The following POMK variants were observed in gnomAD, a reference collection of about 807,000 sequenced individuals.
POMK encodes the protein Sugen kinase 196.
In POMK, 19 loss-of-function variants were observed where a neutral mutation model predicts 23.0. That is an observed-to-expected ratio of 0.83 (90% CI 0.58 to 1.21). POMK has a LOEUF of 1.21. POMK is among the 50% of genes most tolerant of loss of function. POMK has a pLI of 0.00. For synonymous variants in POMK, 173 were observed against 171.6 expected, an observed-to-expected ratio of 1.01 and a Z score of -0.06; for missense variants, 410 against 431.3, an observed-to-expected ratio of 0.95 and a Z score of 0.44.
At chr8:43,117,416 C>A (rs1266730072) in intron 4 of POMK, among the ~76,000 whole-genome samples, 1 of 152,140 alleles carries the variant, frequency 6.6e-6, no homozygotes, top group Non-Finnish European at 1.5e-5. Flanking sequence ...ACGTCTTTAT[C>A]CTTGGTTTTT....
intron 4 of POMK, among the ~76,000 whole-genome samples, chr8:43,121,799 G>A (rs1310540195): frequency 2.0e-5 from 3 of 152,146 alleles, no homozygotes; most frequent in South Asian, 2.1e-4. Flanking sequence ...GGTCCCCCTC[G>A]TTCTATGAGA....
chr8:43,108,420 G>A (rs1586673870), intron 4 of POMK, among the ~76,000 whole-genome samples: 1 of 152,066 alleles, frequency 6.6e-6, no homozygotes, highest in Admixed American at 6.6e-5. Flanking sequence ...CATAAATTAA[G>A]AATACTCACA....
At chr8:43,110,822 G>A (rs1811639359) in intron 4 of POMK, among the ~76,000 whole-genome samples, 1 of 152,140 alleles carries the variant, frequency 6.6e-6, no homozygotes, top group African/African-American at 2.4e-5. Flanking sequence ...GCTGAGGCAG[G>A]AGAATTGCTT....
intron 4 of POMK, among the ~76,000 whole-genome samples, chr8:43,107,521 A>T (rs7462864): frequency 0.14 from 19,985 of 138,482 alleles, 1,817 homozygotes; most frequent in African/African-American, 0.28. Context: ...ATTACAGGTG[A>T]GTGCCACCAC....
At chr8:43,115,703 C>T (rs1219408253) in intron 4 of POMK, among the ~76,000 whole-genome samples, 2 of 152,248 alleles carry the variant, frequency 1.3e-5, no homozygotes, top group Non-Finnish European at 2.9e-5. Flanking sequence ...ATTCTGAACA[C>T]AGCACTCAGA....
Position 43,122,413 on chromosome 8 carries a change from G to T in POMK, c.589G>T (p.Val197Leu), listed in dbSNP as rs374943200. 33 of 1,614,084 alleles carry T rather than the reference G, an allele frequency of 2.0e-5. No homozygotes were observed. The African/African-American group carries it at 4.4e-4, about 22-fold the overall frequency. ...CATTAATTACCTGCACCACAGCCCT[G>T]TGGGCACACGGGTCATGTGCGACTC... ...SIINYLHHSP[V>L]GTRVMCDSND... is the part of the protein sequence containing the mutation. The change falls in exon 5 of 5, where the codon GTG becomes TTG. Residue 197 changes from valine (V) to leucine (L), a missense_variant. Coordinates refer to ENST00000331373, the MANE Select transcript of POMK (RefSeq NM_032237.5).
rs1222453999 is a variant in POMK at position 43,103,291 on chromosome 8, C to T, written c.-21-237C>T. On this transcript the variant is annotated intron_variant, in intron 3 of 4. Transcript: ENST00000331373. Reference sequence around the variant, plus strand: ...GGACAGAGTCAGACACAAACACCTCCCACCTAACCTAATCTAGAGGAACCC... The same window carrying T: ...GGACAGAGTCAGACACAAACACCTCTCACCTAACCTAATCTAGAGGAACCC... Among the ~76,000 whole-genome samples, 7 of 152,316 alleles carry T rather than the reference C, an allele frequency of 4.6e-5. No individual in the cohort carries two copies. The East Asian group carries it at 1.2e-3, about 25-fold the overall frequency.
At chr8:43,100,979 T>C (rs530493951) in intron 2 of POMK, among the ~76,000 whole-genome samples, 2 of 152,182 alleles carry the variant, frequency 1.3e-5, no homozygotes, top group Non-Finnish European at 1.5e-5. Flanking sequence ...GTGCCATTGC[T>C]GGGAGAGTCA....
chr8:43,118,066 A>G (rs1358506955), intron 4 of POMK, among the ~76,000 whole-genome samples: 1 of 152,240 alleles, frequency 6.6e-6, no homozygotes, highest in East Asian at 1.9e-4. Flanking sequence ...AATAATCTTA[A>G]GAAAGAATCC....
At chr8:43,110,417 G>A (rs1170411253) in intron 4 of POMK, among the ~76,000 whole-genome samples, 1 of 152,216 alleles carries the variant, frequency 6.6e-6, no homozygotes, top group Non-Finnish European at 1.5e-5. Flanking sequence ...AAGAGTCATA[G>A]TGGCATTTTA....
chr8:43,109,784 A>C (rs1427804382), intron 4 of POMK, among the ~76,000 whole-genome samples: 1 of 151,486 alleles, frequency 6.6e-6, no homozygotes. Context: ...CCCTTGATCT[A>C]CCTGCCTCAG....
intron 4 of POMK, among the ~76,000 whole-genome samples, chr8:43,114,392 G>A (rs919484374): frequency 2.0e-5 from 3 of 152,158 alleles, no homozygotes; most frequent in Admixed American, 6.5e-5. Context: ...GTGAGACTCC[G>A]TGGGCGTAGG....
chr8:43,111,286 G>A (rs537324911), intron 4 of POMK, among the ~76,000 whole-genome samples: 326 of 152,348 alleles, frequency 2.1e-3, no homozygotes, highest in Non-Finnish European at 3.4e-3. Flanking sequence ...CCTGCACCTG[G>A]CTCGGAGGGT....
intron 1 of POMK, among the ~76,000 whole-genome samples, chr8:43,094,635 C>T (rs1488498494): frequency 6.6e-6 from 1 of 152,146 alleles, no homozygotes; most frequent in Non-Finnish European, 1.5e-5. Flanking sequence ...GTACCTTGTG[C>T]TTTATTGGCG....
rs34750053 is a variant in POMK, at chr8:43,122,243, A to G, written c.419A>G (p.Tyr140Cys). ...QGTHVVTLLG[Y>C]CEDDNTMLTE... ...ACACATGTTGTCACGCTGCTTGGCT[A>G]TTGTGAGGATGACAACACTATGCTT... Residue 140 changes from tyrosine to cysteine, a missense_variant, in exon 5 of 5, where the codon TAT (tyrosine) becomes TGT (cysteine). By Grantham distance (194) the Tyr-to-Cys change is radical. Transcript: ENST00000331373. The G allele has an allele frequency of 1.4e-5, 23 of 1,614,058 alleles. 1 individual carries two copies. Among genetic ancestry groups the G allele is most frequent in the South Asian group, 5.5e-5 (5 of 91,092 alleles).
intron 4 of POMK, among the ~76,000 whole-genome samples, chr8:43,106,942 T>A (rs1811556088): frequency 6.6e-6 from 1 of 152,074 alleles, no homozygotes; most frequent in African/African-American, 2.4e-5. Context: ...ATAGTTGGGG[T>A]CGGAGTTGAC....
intron 4 of POMK, among the ~76,000 whole-genome samples, chr8:43,111,850 A>T (rs1811675502): frequency 6.6e-6 from 1 of 152,260 alleles, no homozygotes; most frequent in Non-Finnish European, 1.5e-5. Flanking sequence ...ACAAACCTGC[A>T]GCTGAGGGTC....
chr8:43,122,551 A>T lies in POMK; in HGVS notation c.727A>T (p.Lys243Ter). Reference sequence around the variant, plus strand: ...GAACCACAGCTCCGGGATGCTGGTGAAGTGCGGCCACAGGGAGCTGCATGG... The same window carrying T: ...GAACCACAGCTCCGGGATGCTGGTGTAGTGCGGCCACAGGGAGCTGCATGG... ...LVNHSSGMLV[K>*]CGHRELHGDF... is the part of the protein sequence containing the mutation. The change falls in exon 5 of 5, where the codon AAG becomes TAG. Residue 243 changes from lysine to a stop codon, truncating the protein, a stop_gained. Transcript: ENST00000331373. LOFTEE classifies it high-confidence loss of function. The T allele has an allele frequency of 3.1e-6, 5 of 1,614,198 alleles. No homozygotes were observed. The highest frequency in any genetic ancestry group is 4.2e-6 in the Non-Finnish European group (5 of 1,180,028).
At position 43,123,208 on chromosome 8, in the gene POMK, C is replaced by T. The variant is rs1260739822; in HGVS notation, c.*331C>T. 4 of 195,848 alleles carry T rather than the reference C, an allele frequency of 2.0e-5. No homozygotes were observed. Among genetic ancestry groups the T allele is most frequent in the African/African-American group, 9.4e-5 (4 of 42,476 alleles). 12.1% of individuals were successfully genotyped at this position (195,848 alleles called of 1,614,324 possible). On this transcript the variant is annotated 3_prime_UTR_variant, in exon 5 of 5. Transcript: ENST00000331373. ...AGTAGCTGGGATTACAGGCACACCA[C>T]CACGCCTGGCTAATTTTTGTATTTT...
Sources: gnomAD v4.1 joint callset for allele counts (sites outside exome capture counted in the v4.1 genomes callset) on GRCh38, gnomAD v4.1.1 for gene constraint, MANE v1.5 for transcripts, NCBI Gene and HGNC (gene_info 2026-07-23, HGNC 2026-07-21) for gene names.